CACNB2: variants seen among roughly 807,000 people sequenced by gnomAD.
The protein encoded by CACNB2 is voltage-dependent L-type calcium channel subunit beta-2.
A neutral mutation model predicts 73.3 loss-of-function variants in CACNB2; 42 were observed. That is an observed-to-expected ratio of 0.57 (90% CI 0.45 to 0.74). The LOEUF is 0.74. Ranked by LOEUF, CACNB2 falls within the 30% of genes least tolerant of loss-of-function variation. CACNB2 has a pLI of 0.00. For missense variants in CACNB2, 940 were observed against 853.0 expected, an observed-to-expected ratio of 1.10 and a Z score of -1.27; for synonymous variants, 348 against 310.3, an observed-to-expected ratio of 1.12 and a Z score of -1.28.
intron 2 of CACNB2, among the ~76,000 whole-genome samples, chr10:18,172,097 C>G (rs547135978): frequency 6.6e-6 from 1 of 152,022 alleles, no homozygotes; most frequent in South Asian, 2.1e-4. Context: ...GCACAGTGTC[C>G]CAGGCCTGTA....
chr10:18,179,075 GA>G (rs2033746631), intron 2 of CACNB2, among the ~76,000 whole-genome samples: 1 of 152,202 alleles, frequency 6.6e-6, no homozygotes, highest in Non-Finnish European at 1.5e-5. Context: ...CCTTACTGCG[GA>G]ACAGGCTTTT....
At chr10:18,318,179 C>T (rs2040265499) in intron 2 of CACNB2, among the ~76,000 whole-genome samples, 1 of 152,062 alleles carries the variant, frequency 6.6e-6, no homozygotes, top group Non-Finnish European at 1.5e-5. Flanking sequence ...CAGTCCTAGG[C>T]AAAAATAACA....
At chr10:18,501,631 G>A (rs552451872) in intron 5 of CACNB2, among the ~76,000 whole-genome samples, 3 of 152,358 alleles carry the variant, frequency 2.0e-5, no homozygotes, top group African/African-American at 7.2e-5. Flanking sequence ...GTCTAAGGAC[G>A]CAGCATGCCT....
At chr10:18,408,553 T>C (rs2044426518) in intron 3 of CACNB2, among the ~76,000 whole-genome samples, 1 of 152,038 alleles carries the variant, frequency 6.6e-6, no homozygotes, top group South Asian at 2.1e-4. Flanking sequence ...CCCCAACTTC[T>C]TAGCTAGGGA....
chr10:18,515,711 C>T (rs554145316), intron 7 of CACNB2, among the ~76,000 whole-genome samples: 1 of 152,292 alleles, frequency 6.6e-6, no homozygotes, highest in South Asian at 2.1e-4. Flanking sequence ...TTCTGGGGTC[C>T]GATCTTCTTG....
At chr10:18,393,777 C>T (rs2043590442) in intron 2 of CACNB2, among the ~76,000 whole-genome samples, 1 of 152,124 alleles carries the variant, frequency 6.6e-6, no homozygotes, top group Non-Finnish European at 1.5e-5. Context: ...TCTACTTTCC[C>T]TTGTAGATAA....
chr10:18,254,563 A>C (rs2037206540), intron 2 of CACNB2, among the ~76,000 whole-genome samples: 1 of 152,230 alleles, frequency 6.6e-6, no homozygotes, highest in Non-Finnish European at 1.5e-5. Context: ...AAAACCAAAA[A>C]AAATCCCGTA....
intron 2 of CACNB2, among the ~76,000 whole-genome samples, chr10:18,277,807 A>G (rs2038364974): frequency 6.6e-6 from 1 of 152,262 alleles, no homozygotes; most frequent in Non-Finnish European, 1.5e-5. Context: ...TCTGGCAGCT[A>G]GAATGAGACA....
At chr10:18,461,764 C>CTTTTTT (rs35385599) in intron 3 of CACNB2, among the ~76,000 whole-genome samples, 34 of 68,000 alleles carry the variant, frequency 5.0e-4, no homozygotes, top group South Asian at 1.4e-3. Context: ...TTCGATAAAG[C>CTTTTTT]TTTTTTTTTT....
chr10:18,497,871 T>C (rs149342306), intron 3 of CACNB2, among the ~76,000 whole-genome samples: 1 of 152,228 alleles, frequency 6.6e-6, no homozygotes, highest in African/African-American at 2.4e-5. Flanking sequence ...AGAGTTGCTA[T>C]AGTTGTAGCA....
chr10:18,539,211 G>A lies in CACNB2; in HGVS notation c.1489-19G>A. 6 of 1,613,918 alleles carry A rather than the reference G, an allele frequency of 3.7e-6. No individual in the cohort carries two copies. The highest frequency in any genetic ancestry group is 5.1e-6 in the Non-Finnish European group (6 of 1,179,988). Reference sequence around the variant, plus strand: ...ACACTGACCTTGGTTAACGCCTGGTGTGCTCCTTTCGCTGCCAGGGTTCTC... The same window carrying A: ...ACACTGACCTTGGTTAACGCCTGGTATGCTCCTTTCGCTGCCAGGGTTCTC... On this transcript the variant is annotated intron_variant, in intron 13 of 13. Transcript: ENST00000324631.
At chr10:18,156,493 G>C (rs1324883519) in intron 2 of CACNB2, among the ~76,000 whole-genome samples, 1 of 152,202 alleles carries the variant, frequency 6.6e-6, no homozygotes, top group Admixed American at 6.5e-5. Flanking sequence ...TTAGCCTTTG[G>C]GGTAAGGGCT....
At chr10:18,365,191 G>A (rs563212295) in intron 2 of CACNB2, among the ~76,000 whole-genome samples, 9 of 152,114 alleles carry the variant, frequency 5.9e-5, no homozygotes, top group African/African-American at 2.2e-4. Flanking sequence ...ACTGTATTGT[G>A]TTTCCTGCCC....
In CACNB2 at chr10:18,527,415, A is replaced by G. The variant is rs2052584824; in HGVS notation, c.945-173A>G. 2.0e-5 allele frequency among the ~76,000 whole-genome samples: 3 copies of G among 152,182 alleles called. No homozygotes were observed. In the South Asian group the frequency reaches 6.2e-4, roughly 31 times the overall value. On this transcript the variant is annotated intron_variant, in intron 9 of 13. Coordinates refer to ENST00000324631, the MANE Select transcript of CACNB2 (RefSeq NM_201596.3). ...AACAAAGTAAGGCAGGTGCAAGATA[A>G]AAATGAATAAGTAAAAAGAAAAAAA... is the stretch of plus-strand genomic sequence containing the variant.
intron 2 of CACNB2, among the ~76,000 whole-genome samples, chr10:18,247,384 A>G (rs1191118239): frequency 1.3e-5 from 2 of 152,100 alleles, no homozygotes; most frequent in Non-Finnish European, 2.9e-5. Context: ...ATTCAAACAT[A>G]TTTTTACTTC....
intron 1 of CACNB2, chr10:18,141,062 C>A: frequency 6.5e-7 from 1 of 1,547,260 alleles, no homozygotes; most frequent in Non-Finnish European, 8.7e-7. Context: ...CCATTTTTCT[C>A]TGCTTCCGAA....
At chr10:18,468,750 C>G (rs550801098) in intron 3 of CACNB2, among the ~76,000 whole-genome samples, 6 of 152,098 alleles carry the variant, frequency 3.9e-5, no homozygotes, top group African/African-American at 1.2e-4. Flanking sequence ...TAGGCACGCA[C>G]CACCACACCC....
At chr10:18,268,817 A>C (rs1034162578) in intron 2 of CACNB2, among the ~76,000 whole-genome samples, 1 of 152,234 alleles carries the variant, frequency 6.6e-6, no homozygotes, top group Non-Finnish European at 1.5e-5. Context: ...CTCACTAGAA[A>C]ACACTCAACC....
At chr10:18,520,913 C>T (rs754673342) in intron 9 of CACNB2, among the ~76,000 whole-genome samples, 7 of 152,170 alleles carry the variant, frequency 4.6e-5, no homozygotes, top group Non-Finnish European at 1.0e-4. Flanking sequence ...TTCTAGTGCT[C>T]TTTTATGTAT....
Sources: gnomAD v4.1 joint callset for allele counts (sites outside exome capture counted in the v4.1 genomes callset) on GRCh38, gnomAD v4.1.1 for gene constraint, MANE v1.5 for transcripts, NCBI Gene and HGNC (gene_info 2026-07-23, HGNC 2026-07-21) for gene names.